The following DOCK4 variants were observed in gnomAD, a reference collection of about 807,000 sequenced individuals.
DOCK4 encodes the protein dedicator of cytokinesis 4.
In DOCK4, 97 loss-of-function variants were observed where a neutral mutation model predicts 268.1. The observed-to-expected ratio is 0.36, with a 90% CI of 0.31 to 0.43. The LOEUF is 0.43. Among genes scored for constraint, DOCK4 ranks in the 20% least tolerant of loss-of-function variants. The pLI, the probability that DOCK4 is intolerant of heterozygous loss-of-function variation, is 1.00. For missense variants in DOCK4, 2,145 were observed against 2,455.7 expected (o/e 0.87, Z 2.67); for synonymous variants, 954 against 887.2 (o/e 1.08, Z -1.34).
intron 8 of DOCK4, among the ~76,000 whole-genome samples, chr7:111,959,300 C>G (rs1255583835): frequency 6.6e-6 from 1 of 152,126 alleles, no homozygotes; most frequent in Non-Finnish European, 1.5e-5. Flanking sequence ...GTTGTACTCC[C>G]TGCACGTCTG....
At chr7:111,952,800 C>T (rs555996939) in intron 8 of DOCK4, among the ~76,000 whole-genome samples, 7 of 152,184 alleles carry the variant, frequency 4.6e-5, no homozygotes, top group Admixed American at 2.6e-4. Context: ...CACATTTAGA[C>T]GGTCATGTTC....
At chr7:111,853,253 G>A (rs890467584) in intron 23 of DOCK4, among the ~76,000 whole-genome samples, 3 of 152,180 alleles carry the variant, frequency 2.0e-5, no homozygotes, top group Admixed American at 6.5e-5. Context: ...AGAGCGCGAG[G>A]TCTGTGAGTT....
intron 10 of DOCK4, among the ~76,000 whole-genome samples, chr7:111,944,031 C>T (rs368060175): frequency 2.6e-5 from 4 of 152,120 alleles, no homozygotes; most frequent in Admixed American, 6.5e-5. Flanking sequence ...TTAGACTTAA[C>T]GGAAAAACTG....
chr7:111,898,651 A>G (rs925148275), intron 15 of DOCK4, among the ~76,000 whole-genome samples: 2 of 152,250 alleles, frequency 1.3e-5, no homozygotes, highest in African/African-American at 4.8e-5. Context: ...TTGAATAAAT[A>G]TATGAACACA....
At chr7:111,872,183 T>G in intron 19 of DOCK4, 86 bp downstream of exon 19, 4 of 1,359,176 alleles carry the variant, frequency 2.9e-6, no homozygotes, top group Non-Finnish European at 4.0e-6. Flanking sequence ...CTTACATTAT[T>G]AAGCACATGT....
chr7:112,018,664 T>C (rs1802067556), intron 1 of DOCK4, among the ~76,000 whole-genome samples: 1 of 152,096 alleles, frequency 6.6e-6, no homozygotes, highest in African/African-American at 2.4e-5. Flanking sequence ...TAAAAGAAAC[T>C]TGAAAAAAAT....
intron 1 of DOCK4, among the ~76,000 whole-genome samples, chr7:112,082,530 A>C (rs1304129531): frequency 2.0e-5 from 3 of 152,146 alleles, no homozygotes; most frequent in Non-Finnish European, 4.4e-5. Flanking sequence ...AAATCAAATA[A>C]ATTTCGTAAT....
intron 1 of DOCK4, among the ~76,000 whole-genome samples, chr7:112,013,106 A>G (rs1801494198): frequency 6.6e-6 from 1 of 152,216 alleles, no homozygotes; most frequent in South Asian, 2.1e-4. Flanking sequence ...TCTCTCCAGC[A>G]TAATATTCGG....
At position 111,971,764 on chromosome 7, in the gene DOCK4, C is replaced by T. The variant is rs138114232; in HGVS notation, c.701+5368G>A. 758 of 299,038 alleles carry T rather than the reference C, an allele frequency of 2.5e-3. 1 individual carries two copies. The highest frequency in any genetic ancestry group is 5.8e-3 in the African/African-American group (255 of 44,102). The allele number at this position is 299,038 out of a possible 1,614,324, so 18.5% of individuals were successfully genotyped here. On this transcript the variant is annotated intron_variant, in intron 8 of 52. Transcript: ENST00000428084. Reference sequence around the variant, plus strand: ...TTTGGTGGTCCAAGGCCTGAATGAACGGGTCAATCGCAGGAGGCACTTTCA... The same window carrying T: ...TTTGGTGGTCCAAGGCCTGAATGAATGGGTCAATCGCAGGAGGCACTTTCA...
rs1796264233 is a variant in DOCK4 at position 111,746,337 on chromosome 7, C to T, written c.4674G>A (p.Glu1558=). Residue 1558 remains glutamate, a synonymous_variant, in exon 44 of 53, where the codon GAG becomes GAA. Transcript: ENST00000428084. ...GGTTGGCTTCTGCTTCCCTTACCTG[C>T]TCAAGCATCAGCTCTCTTAATCGTG... ...KIARLRELML[E]QAQILEFGLA... 6.2e-7 allele frequency: 1 copy of T among 1,612,140 alleles called. No individual in the cohort carries two copies. Among genetic ancestry groups the T allele is most frequent in the Non-Finnish European group, 8.5e-7 (1 of 1,179,172 alleles).
At chr7:112,069,741 T>C (rs544863886) in intron 1 of DOCK4, among the ~76,000 whole-genome samples, 4 of 152,090 alleles carry the variant, frequency 2.6e-5, no homozygotes, top group Non-Finnish European at 4.4e-5. Context: ...AACTCAGCGG[T>C]AGAAAATAGA....
At position 111,727,567 on chromosome 7, in the gene DOCK4, T is replaced by C. The variant is rs3801790; in HGVS notation, c.*707A>G. The C allele has an allele frequency of 0.35, 53,158 of 152,428 alleles. 9,790 individuals are homozygous for C. The highest frequency in any genetic ancestry group is 0.62 in the South Asian group (3,000 of 4,826). The allele number at this position is 152,428 out of a possible 1,614,324, so 9.4% of individuals were successfully genotyped here. A position where few individuals can be genotyped will look rare whatever the true frequency, so the allele number is the denominator to read the frequency against. On this transcript the variant is annotated 3_prime_UTR_variant, in exon 53 of 53. Transcript: ENST00000428084. ...GGAGCCTCTTGCTTAATCTAGCTGA[T>C]TGGAACTCTGAAGCAAATTGCACCT...
rs563248343 is a variant in DOCK4 at position 111,846,461 on chromosome 7, G to C, written c.2601+538C>G. Among the ~76,000 whole-genome samples, 11 of 151,938 alleles carry C rather than the reference G, an allele frequency of 7.2e-5. No homozygotes were observed. In the South Asian group the frequency reaches 2.3e-3, roughly 32 times the overall value. ...CTAATGCAATTGCATTGCATCAAGA[G>C]TCAGGCACGTTGATAGGAATCCCCA... is the stretch of plus-strand genomic sequence containing the variant. On this transcript the variant is annotated intron_variant, in intron 24 of 52. Transcript: ENST00000428084.
At chr7:111,833,284 G>T (rs1802982171) in intron 26 of DOCK4, among the ~76,000 whole-genome samples, 1 of 152,094 alleles carries the variant, frequency 6.6e-6, no homozygotes, top group South Asian at 2.1e-4. Context: ...GCTCATGCCT[G>T]TAATCTGAGT....
chr7:111,892,695 C>A (rs1808394220), intron 16 of DOCK4, among the ~76,000 whole-genome samples: 2 of 152,312 alleles, frequency 1.3e-5, no homozygotes, highest in South Asian at 4.1e-4. Context: ...GAATTCAAGG[C>A]CGCACAATGA....
intron 23 of DOCK4, among the ~76,000 whole-genome samples, chr7:111,862,124 C>G (rs1236599232): frequency 6.6e-6 from 1 of 151,992 alleles, no homozygotes; most frequent in African/African-American, 2.4e-5. Flanking sequence ...CATGGTGAAA[C>G]CCTGCCTCTA....
intron 1 of DOCK4, among the ~76,000 whole-genome samples, chr7:112,104,447 C>T (rs970728869): frequency 6.6e-6 from 1 of 152,170 alleles, no homozygotes; most frequent in Non-Finnish European, 1.5e-5. Flanking sequence ...CAACTCAGAA[C>T]ATTTACAGCC....
At chr7:112,131,737 A>T (rs923752253) in intron 1 of DOCK4, among the ~76,000 whole-genome samples, 1 of 152,240 alleles carries the variant, frequency 6.6e-6, no homozygotes, top group African/African-American at 2.4e-5. Flanking sequence ...CATATGGCAT[A>T]GTCTCTGCCC....
intron 1 of DOCK4, among the ~76,000 whole-genome samples, chr7:112,015,380 A>C (rs1007108762): frequency 2.0e-5 from 3 of 152,172 alleles, no homozygotes; most frequent in African/African-American, 7.2e-5. Context: ...TTGGTTTAGC[A>C]TATAATCAAG....
Sources: allele counts gnomAD v4.1 joint callset (sites outside exome capture counted in the v4.1 genomes callset), GRCh38; gene constraint gnomAD v4.1.1; transcripts MANE v1.5; gene names NCBI Gene and HGNC (gene_info 2026-07-23, HGNC 2026-07-21).